The following CP variants were observed in gnomAD, a reference collection of about 807,000 sequenced individuals.
CP encodes the protein ceruloplasmin, also known as caeruloplasmin.
In CP, 64 loss-of-function variants were observed where a neutral mutation model predicts 122.4. That is an observed-to-expected ratio of 0.52 (90% CI 0.43 to 0.64). The LOEUF (loss-of-function observed/expected upper bound fraction) is 0.64. CP is among the 30% of genes least tolerant of loss of function. The pLI is 0.00. For synonymous variants in CP, 440 were observed against 436.4 expected, an observed-to-expected ratio of 1.01 and a Z score of -0.10; for missense variants, 1,167 against 1,284.4, an observed-to-expected ratio of 0.91 and a Z score of 1.40.
downstream of CP, chr3:149,172,106 A>G (rs200136665): frequency 2.4e-5 from 38 of 1,613,138 alleles, no homozygotes; most frequent in African/African-American, 2.0e-4. Flanking sequence ...AACATTGTCA[A>G]TTGTTGCTGT....
intron 5 of CP, among the ~76,000 whole-genome samples, chr3:149,164,321 G>C (rs1376539474): frequency 6.6e-6 from 1 of 152,100 alleles, no homozygotes; most frequent in Non-Finnish European, 1.5e-5. Context: ...ACACATTTTA[G>C]GTCTCTAACC....
chr3:149,186,574 C>T lies in CP; in HGVS notation c.2023G>A (p.Ala675Thr). ...AGACTTGTTTGAGGGAAGAGGTTTG[C>T]TGTGTCTCTCCGTTCTCCTCTCCAC... Reference protein sequence around the residue: ...YLWRGERRDTANLFPQTSLTL... With the variant: ...YLWRGERRDTTNLFPQTSLTL... Residue 675 changes from alanine to threonine, a missense_variant, in exon 11 of 19, where the codon GCA becomes ACA. By Grantham distance (58) the Ala-to-Thr change is moderately conservative. This residue lies in a region of CP where 525 missense variants were observed against 657.2 expected (regional missense o/e 0.80). Transcript: ENST00000264613. The T allele has an allele frequency of 1.2e-6, 2 of 1,614,224 alleles. 1 individual carries two copies. Among genetic ancestry groups the T allele is most frequent in the South Asian group, 2.2e-5 (2 of 91,086 alleles).
At chr3:149,205,614 A>G (rs539185347) in intron 6 of CP, among the ~76,000 whole-genome samples, 2 of 152,242 alleles carry the variant, frequency 1.3e-5, no homozygotes, top group East Asian at 1.9e-4. Context: ...ATCTTAAAAC[A>G]TTATGCTAAG....
At chr3:149,179,713 C>A in intron 14 of CP, 51 bp from the exon 15 acceptor site, 2 of 268,368 alleles carry the variant, frequency 7.5e-6, no homozygotes, top group Non-Finnish European at 1.4e-5. Flanking sequence ...TTATATTGTA[C>A]ACACACACAC....
At chr3:149,176,468 GTC>G in intron 17 of CP, 56 bp from the exon 18 acceptor site, 6 of 1,346,720 alleles carry the variant, frequency 4.5e-6, no homozygotes, top group Non-Finnish European at 6.4e-6. Context: ...GTTCACTCAT[GTC>G]ATTTGTTAAT....
downstream of CP, chr3:149,168,125 C>G (rs1351375189): frequency 1.5e-6 from 1 of 645,760 alleles, no homozygotes; most frequent in African/African-American, 1.8e-5. Flanking sequence ...TTTCAGCATT[C>G]ACGTACCCTC....
chr3:149,175,120 C>G (rs559462562), intron 18 of CP, among the ~76,000 whole-genome samples: 4 of 152,210 alleles, frequency 2.6e-5, no homozygotes, highest in Non-Finnish European at 5.9e-5. Flanking sequence ...TACTTACTCA[C>G]CATTATTTTT....
intron 9 of CP, among the ~76,000 whole-genome samples, chr3:149,190,405 C>A (rs1726465839): frequency 6.6e-6 from 1 of 152,084 alleles, no homozygotes; most frequent in Admixed American, 6.5e-5. Flanking sequence ...CACTTGTAAT[C>A]CCAGCACTTT....
intron 9 of CP, among the ~76,000 whole-genome samples, chr3:149,194,042 T>C (rs889388174): frequency 1.3e-5 from 2 of 152,142 alleles, no homozygotes; most frequent in South Asian, 4.1e-4. Flanking sequence ...GTCCACAAAA[T>C]GGGCATAAAA....
At chr3:149,220,134 C>T (rs768693550) in intron 1 of CP, among the ~76,000 whole-genome samples, 11 of 152,122 alleles carry the variant, frequency 7.2e-5, no homozygotes, top group Admixed American at 3.3e-4. Context: ...TTTCCTCCGC[C>T]CCCATTCACC....
At chr3:149,187,240 A>C (rs1489045459) in intron 10 of CP, among the ~76,000 whole-genome samples, 1 of 152,172 alleles carries the variant, frequency 6.6e-6, no homozygotes, top group Non-Finnish European at 1.5e-5. Flanking sequence ...CAATGCTTCC[A>C]AATATACAAA....
chr3:149,183,986 G>A (rs1725961149), intron 12 of CP, among the ~76,000 whole-genome samples: 1 of 140,128 alleles, frequency 7.1e-6, no homozygotes, highest in Admixed American at 7.2e-5. Flanking sequence ...TATAGGAACT[G>A]AAATGGACAT....
At chr3:149,220,642 A>G (rs1179835464) in intron 1 of CP, among the ~76,000 whole-genome samples, 2 of 152,116 alleles carry the variant, frequency 1.3e-5, no homozygotes, top group African/African-American at 4.8e-5. Flanking sequence ...AAAAATTTCA[A>G]CTTTACATAA....
Position 149,207,514 on chromosome 3 carries a change from G to A in CP, c.885C>T (p.His295=), listed in dbSNP as rs766821938. The change falls in exon 5 of 19, where the codon CAC becomes CAT. Residue 295 remains histidine, a synonymous_variant. Coordinates refer to ENST00000264613, the MANE Select transcript of CP (RefSeq NM_000096.4). ...LFGMGNEVDV[H]AAFFHGQALT... ...GTGCTTGCCCGTGAAAGAAAGCTGC[G>A]TGCACATCAACTTCATTACCCATAC... is the stretch of plus-strand genomic sequence containing the variant. 6.6e-5 allele frequency: 107 copies of A among 1,613,758 alleles called. No individual in the cohort carries two copies. The highest frequency in any genetic ancestry group is 7.7e-5 in the Non-Finnish European group (91 of 1,179,868).
intron 4 of CP, among the ~76,000 whole-genome samples, chr3:149,166,630 T>A (rs1431744828): frequency 1.3e-5 from 2 of 152,208 alleles, no homozygotes; most frequent in African/African-American, 4.8e-5. Context: ...ACTCATCCTT[T>A]GTTGTTAAAC....
At chr3:149,199,982 T>C in intron 7 of CP, 118 bp from the exon 8 acceptor site, 2 of 1,056,892 alleles carry the variant, frequency 1.9e-6, no homozygotes, top group Non-Finnish European at 2.9e-6. Flanking sequence ...ACACGCTTAT[T>C]TGTGGTGAAT....
chr3:149,203,969 G>A (rs1727524798), intron 6 of CP, among the ~76,000 whole-genome samples: 1 of 152,230 alleles, frequency 6.6e-6, no homozygotes, highest in African/African-American at 2.4e-5. Context: ...TAAAGGGGAA[G>A]TAGAGTTAGC....
intron 3 of CP, among the ~76,000 whole-genome samples, 158 bp from the exon 4 acceptor site, chr3:149,209,542 T>G (rs1727967298): frequency 6.6e-6 from 1 of 152,172 alleles, no homozygotes; most frequent in Non-Finnish European, 1.5e-5. Flanking sequence ...ACAGAAACAC[T>G]CAGGGAATTT....
At chr3:149,187,967 A>G (rs1322996228) in intron 10 of CP, 85 bp downstream of exon 10, 14 of 1,415,006 alleles carry the variant, frequency 9.9e-6, no homozygotes, top group Non-Finnish European at 1.4e-5. Context: ...CAATGAGCAA[A>G]GCTCTTCACA....
Sources: allele counts gnomAD v4.1 joint callset (sites outside exome capture counted in the v4.1 genomes callset), GRCh38; gene constraint gnomAD v4.1.1; regional missense constraint gnomAD v4.1.1; transcripts MANE v1.5; gene names NCBI Gene and HGNC (gene_info 2026-07-23, HGNC 2026-07-21).